Variants in ATP10D observed in about 807,000 individuals in gnomAD.
ATP10D encodes phospholipid-transporting ATPase VD.
In ATP10D, 89 loss-of-function variants were observed where a neutral mutation model predicts 144.8. That is an observed-to-expected ratio of 0.61 (90% confidence interval 0.52 to 0.73). The LOEUF (loss-of-function observed/expected upper bound fraction) is 0.73. ATP10D is among the 30% of genes least tolerant of loss of function. ATP10D has a pLI of 0.00. For missense variants in ATP10D, 1,603 were observed against 1,714.8 expected (o/e 0.93, Z 1.15); for synonymous variants, 571 against 615.1 (o/e 0.93, Z 1.06).
chr4:47,499,020 G>A (rs1019463123), intron 1 of ATP10D, among the ~76,000 whole-genome samples: 7 of 152,102 alleles, frequency 4.6e-5, no homozygotes, highest in Admixed American at 6.6e-5. Context: ...AAATGAGCAC[G>A]TATCTGTGTG....
chr4:47,534,539 G>A (rs1363608228), intron 5 of ATP10D, among the ~76,000 whole-genome samples: 2 of 152,076 alleles, frequency 1.3e-5, no homozygotes, highest in Non-Finnish European at 2.9e-5. Context: ...TGAGGCCCAC[G>A]ATGTCTCCTT....
In ATP10D at chr4:47,485,381, ATT is replaced by A. The variant is rs200496411; in HGVS notation, c.-165_-164del. 21 of 146,344 alleles carry A rather than the reference ATT, an allele frequency of 1.4e-4. No individual in the cohort carries two copies. The highest frequency in any genetic ancestry group is 1.4e-3 in the East Asian group (7 of 5,076). The allele number at this position is 146,344 out of a possible 1,614,324, so 9.1% of individuals were successfully genotyped here. ...GCTGAGTTTGGGAGATGTCTAAGTG[ATT>A]TTTTTTTTTTCCCGGAAGGCAAATG... On this transcript the variant is annotated 5_prime_UTR_variant, in exon 1 of 23. Coordinates refer to ENST00000273859, the MANE Select transcript of ATP10D (RefSeq NM_020453.4).
intron 3 of ATP10D, among the ~76,000 whole-genome samples, chr4:47,519,472 GGGAAA>G (rs1440063752): frequency 1.3e-5 from 2 of 152,162 alleles, no homozygotes; most frequent in Non-Finnish European, 2.9e-5. Context: ...TTAGGCTCTG[GGGAAA>G]GAAGAAAGTC....
chr4:47,550,611 C>T (rs765632244), intron 10 of ATP10D, among the ~76,000 whole-genome samples: 4 of 152,000 alleles, frequency 2.6e-5, no homozygotes, highest in Admixed American at 6.6e-5. Flanking sequence ...CTTGGCCTCA[C>T]GGATTCCAAG....
chr4:47,576,600 A>G (rs1214836495), intron 18 of ATP10D, among the ~76,000 whole-genome samples, 173 bp from the exon 19 acceptor site: 2 of 152,176 alleles, frequency 1.3e-5, no homozygotes, highest in African/African-American at 2.4e-5. Flanking sequence ...GTGCACTTTA[A>G]TTTAATAAAA....
intron 10 of ATP10D, among the ~76,000 whole-genome samples, chr4:47,548,741 T>C (rs184052039): frequency 1.3e-5 from 2 of 152,302 alleles, no homozygotes; most frequent in Admixed American, 1.3e-4. Flanking sequence ...ACCCCTAATA[T>C]ATAGAATAAC....
intron 1 of ATP10D, among the ~76,000 whole-genome samples, chr4:47,508,952 A>G (rs1716169144): frequency 6.6e-6 from 1 of 152,230 alleles, no homozygotes; most frequent in Admixed American, 6.5e-5. Flanking sequence ...TTGATGAGGT[A>G]TGACTTACTG....
At position 47,572,217 on chromosome 4, in the gene ATP10D, A is replaced by G. The variant is rs774174090; in HGVS notation, c.3227A>G (p.Gln1076Arg). Reference sequence around the variant, plus strand: ...GACATTGGGATAGGGGTCTCAGGTCAAGAAGGCATGCAGGTGAGTGGATAT... The same window carrying G: ...GACATTGGGATAGGGGTCTCAGGTCGAGAAGGCATGCAGGTGAGTGGATAT... ...VADIGIGVSG[Q>R]EGMQAVMASD... Residue 1076 changes from glutamine (Q) to arginine (R), a missense_variant, in exon 17 of 23, where the codon CAA (glutamine) becomes CGA (arginine). Physicochemically the swap from Gln to Arg is conservative, Grantham distance 43. Coordinates refer to ENST00000273859, the MANE Select transcript of ATP10D (RefSeq NM_020453.4). 1 of 1,614,074 alleles carries G rather than the reference A, an allele frequency of 6.2e-7. No homozygotes were observed.
At chr4:47,527,013 A>C (rs1278596514) in intron 5 of ATP10D, among the ~76,000 whole-genome samples, 3 of 152,172 alleles carry the variant, frequency 2.0e-5, no homozygotes, top group Non-Finnish European at 4.4e-5. Context: ...TTGAAAAAAC[A>C]AGAAAAAAGC....
intron 17 of ATP10D, 96 bp from the exon 18 acceptor site, chr4:47,572,776 A>C: frequency 6.8e-7 from 1 of 1,468,484 alleles, no homozygotes; most frequent in Non-Finnish European, 9.4e-7. Flanking sequence ...AGAAGAAGGT[A>C]GAATATGAGG....
chr4:47,496,102 A>T (rs1159039016), intron 1 of ATP10D, among the ~76,000 whole-genome samples: 1 of 151,510 alleles, frequency 6.6e-6, no homozygotes, highest in East Asian at 1.9e-4. Flanking sequence ...ATTAGATATA[A>T]TGCAGTCAAC....
chr4:47,582,197 C>T, intron 21 of ATP10D, 133 bp downstream of exon 21: 1 of 722,800 alleles, frequency 1.4e-6, no homozygotes, highest in South Asian at 1.7e-5. Context: ...GTGATCACAG[C>T]TACTCTGGGT....
chr4:47,491,801 AAG>A (rs1715095682), intron 1 of ATP10D, among the ~76,000 whole-genome samples: 1 of 152,230 alleles, frequency 6.6e-6, no homozygotes, highest in South Asian at 2.1e-4. Flanking sequence ...CTTTTCTGGG[AAG>A]CCTTTCCTCT....
At position 47,515,492 on chromosome 4, in the gene ATP10D, T is replaced by C; in HGVS notation, c.307T>C (p.Phe103Leu). The C allele has an allele frequency of 6.8e-6, 11 of 1,611,926 alleles. No individual in the cohort carries two copies. The highest frequency in any genetic ancestry group is 9.3e-6 in the Non-Finnish European group (11 of 1,179,074). Reference sequence around the variant, plus strand: ...GGGTTGCAGAGCTGCCAATTTATATTTCCTGTTCCTAGTTGTCCTGAACTG... The same window carrying C: ...GGGTTGCAGAGCTGCCAATTTATATCTCCTGTTCCTAGTTGTCCTGAACTG... Reference protein sequence around the residue: ...EQFHRAANLYFLFLVVLNWVP... With the variant: ...EQFHRAANLYLLFLVVLNWVP... Residue 103 changes from phenylalanine to leucine, a missense_variant, in exon 3 of 23, where the codon TTC (phenylalanine) becomes CTC (leucine). By Grantham distance (22) the Phe-to-Leu change is conservative. Coordinates refer to ENST00000273859, the MANE Select transcript of ATP10D (RefSeq NM_020453.4).
chr4:47,521,584 G>A lies in ATP10D; in HGVS notation c.486-1428G>A, dbSNP rs142003975. 3.2e-3 allele frequency among the ~76,000 whole-genome samples: 492 copies of A among 152,218 alleles called. 4 individuals are homozygous for A. The highest frequency in any genetic ancestry group is 0.012 in the African/African-American group (479 of 41,532). On this transcript the variant is annotated intron_variant, in intron 3 of 22. Transcript: ENST00000273859. The stretch of plus-strand genomic sequence containing the variant: ...ATTCATTACTCTGTCTCAGGAGTTG[G>A]CAAACAGAAGTATGGTCACATCCTT...
chr4:47,573,095 C>G (rs1720052267), intron 18 of ATP10D, 98 bp downstream of exon 18: 1 of 1,415,934 alleles, frequency 7.1e-7, no homozygotes. Flanking sequence ...AGCTCACTTT[C>G]CTTATTGATG....
chr4:47,559,037 T>A lies in ATP10D; in HGVS notation c.2541+8T>A, dbSNP rs753105680. The A allele has an allele frequency of 1.2e-6, 2 of 1,600,202 alleles. No individual in the cohort carries two copies. Among genetic ancestry groups the A allele is most frequent in the Non-Finnish European group, 1.7e-6 (2 of 1,168,908 alleles). ...TTATGTATAGCAAAGAAGGTGAGAC[T>A]GCTTAGTGCGCTCCATCTTTTTTGT... is the stretch of plus-strand genomic sequence containing the variant. On this transcript the variant is annotated splice_region_variant and intron_variant, in intron 13 of 22. Transcript: ENST00000273859.
rs1720899388 is a variant in ATP10D at position 47,588,755 on chromosome 4, T to A, written c.3941+1549T>A. On this transcript the variant is annotated intron_variant, in intron 22 of 22. Coordinates refer to ENST00000273859, the MANE Select transcript of ATP10D (RefSeq NM_020453.4). ...GATACTTCTATAGTGCTCACTGCTA[T>A]TGCCAGCTTCCAGATTAAAAACTGA... 1.3e-5 allele frequency among the ~76,000 whole-genome samples: 2 copies of A among 152,214 alleles called. 1 individual carries two copies. The highest frequency in any genetic ancestry group is 4.1e-4 in the South Asian group (2 of 4,834).
At chr4:47,579,722 T>A (rs1560456707) in intron 19 of ATP10D, among the ~76,000 whole-genome samples, 1 of 152,212 alleles carries the variant, frequency 6.6e-6, no homozygotes, top group Non-Finnish European at 1.5e-5. Context: ...GGGCAAACCA[T>A]GTAGGACCTT....
Sources: allele counts gnomAD v4.1 joint callset (sites outside exome capture counted in the v4.1 genomes callset), GRCh38; gene constraint gnomAD v4.1.1; transcripts MANE v1.5; gene names NCBI Gene and HGNC (gene_info 2026-07-23, HGNC 2026-07-21).